FMN2: variants seen among roughly 807,000 people sequenced by gnomAD.
FMN2 encodes the protein formin 2.
A neutral mutation model predicts 142.3 loss-of-function variants in FMN2; 51 were observed. The ratio of observed to expected loss-of-function variants is 0.36; its 90% CI spans 0.29 to 0.45. FMN2 has a LOEUF of 0.45. FMN2 is among the 20% of genes least tolerant of loss of function. FMN2 has a pLI of 1.00. For missense variants in FMN2, 1,936 were observed against 2,122.8 expected (o/e 0.91, Z 1.73); for synonymous variants, 882 against 869.8 (o/e 1.01, Z -0.25).
At position 240,366,110 on chromosome 1, in the gene FMN2, A is replaced by G. The variant is rs532237807; in HGVS notation, c.4858+10202A>G. On this transcript the variant is annotated intron_variant, in intron 14 of 17. Transcript: ENST00000319653. ...GTTTATATAACAAAAATAAGGTTAT[A>G]TTATAGATCTATATGCATATCTTAT... Among the ~76,000 whole-genome samples, 53 of 152,336 alleles carry G rather than the reference A, an allele frequency of 3.5e-4. 1 individual carries two copies. In the South Asian group the frequency reaches 8.7e-3, roughly 25 times the overall value.
At chr1:240,214,940 T>C (rs934196448) in intron 6 of FMN2, among the ~76,000 whole-genome samples, 2 of 152,046 alleles carry the variant, frequency 1.3e-5, no homozygotes, top group African/African-American at 4.8e-5. Flanking sequence ...GTGGTGCATG[T>C]CTGTCATCCC....
intron 15 of FMN2, among the ~76,000 whole-genome samples, chr1:240,393,266 C>T (rs1414571575): frequency 6.6e-6 from 1 of 151,972 alleles, no homozygotes; most frequent in African/African-American, 2.4e-5. Flanking sequence ...CACCTCATGT[C>T]TCTGTGTTAC....
At chr1:240,155,118 T>C (rs2103280112) in intron 2 of FMN2, among the ~76,000 whole-genome samples, 1 of 152,098 alleles carries the variant, frequency 6.6e-6, no homozygotes, top group African/African-American at 2.4e-5. Context: ...CTCAAACTCC[T>C]GAGCTCAAGC....
At chr1:240,234,187 A>G (rs2102854091) in intron 6 of FMN2, among the ~76,000 whole-genome samples, 1 of 152,278 alleles carries the variant, frequency 6.6e-6, no homozygotes, top group African/African-American at 2.4e-5. Context: ...AAAGCGGAAA[A>G]GAAAAAGAGG....
At chr1:240,383,611 G>T (rs1048986860) in intron 14 of FMN2, among the ~76,000 whole-genome samples, 66 of 152,252 alleles carry the variant, frequency 4.3e-4, no homozygotes, top group African/African-American at 1.6e-3. Flanking sequence ...ACATGGATGT[G>T]CAGAAAAGGG....
At chr1:240,160,058 A>G (rs1208152318) in intron 2 of FMN2, among the ~76,000 whole-genome samples, 1 of 147,462 alleles carries the variant, frequency 6.8e-6, no homozygotes, top group Non-Finnish European at 1.5e-5. Flanking sequence ...TTTTTTTGTT[A>G]TTAATAAAAT....
At chr1:240,429,558 G>A (rs1490366639) in intron 15 of FMN2, among the ~76,000 whole-genome samples, 2 of 152,128 alleles carry the variant, frequency 1.3e-5, no homozygotes, top group African/African-American at 4.8e-5. Context: ...TAAAACAGTT[G>A]TGTTTCCCAA....
chr1:240,161,908 CA>C (rs1027395408), intron 2 of FMN2, among the ~76,000 whole-genome samples: 13 of 152,034 alleles, frequency 8.6e-5, no homozygotes, highest in African/African-American at 3.1e-4. Context: ...ATGGAGTAGG[CA>C]AAAACTTCTT....
chr1:240,241,555 G>C (rs924619022), intron 6 of FMN2, among the ~76,000 whole-genome samples: 1 of 152,100 alleles, frequency 6.6e-6, no homozygotes, highest in African/African-American at 2.4e-5. Flanking sequence ...TGGTCTTTCA[G>C]CCATTTTTCA....
chr1:240,449,878 G>A (rs1306279721), intron 16 of FMN2, among the ~76,000 whole-genome samples: 10 of 152,002 alleles, frequency 6.6e-5, no homozygotes, highest in Non-Finnish European at 2.9e-5. Context: ...ACAATTAAGC[G>A]TTAATATATC....
chr1:240,385,807 A>G (rs1334573995), intron 14 of FMN2, among the ~76,000 whole-genome samples: 1 of 152,132 alleles, frequency 6.6e-6, no homozygotes, highest in Non-Finnish European at 1.5e-5. Context: ...ATTTTCTATT[A>G]TGTATATGTT....
rs1233218686 is a variant in FMN2 at position 240,271,098 on chromosome 1, G to GCTTTTT, written c.4153+13066_4153+13067insCTTTTT. Among the ~76,000 whole-genome samples the GCTTTTT allele has an allele frequency of 1.1e-3, 81 of 72,226 alleles. 1 individual carries two copies. Among genetic ancestry groups the GCTTTTT allele is most frequent in the Middle Eastern group, 0.011 (1 of 90 alleles). The allele number at this position is 72,226 out of a possible 152,430, so 47.4% of individuals were successfully genotyped here. On this transcript the variant is annotated intron_variant, in intron 7 of 17. Transcript: ENST00000319653. Reference sequence around the variant, plus strand: ...ACCCCCCTAGGAACTTTCCACGATGGTTTTTTTTTTTTTTTTTTTGTGACT... The same window carrying GCTTTTT: ...ACCCCCCTAGGAACTTTCCACGATGGCTTTTTTTTTTTTTTTTTTTTTTTTGTGACT...
At chr1:240,210,966 T>G in intron 5 of FMN2, 125 bp from the exon 6 acceptor site, 3 of 785,266 alleles carry the variant, frequency 3.8e-6, no homozygotes, top group Non-Finnish European at 5.9e-6. Context: ...CCTTCTTATC[T>G]CTCTTCTTTT....
At chr1:240,146,101 CTCAGTGGA>C (rs778710563) in intron 2 of FMN2, among the ~76,000 whole-genome samples, 1 of 151,590 alleles carries the variant, frequency 6.6e-6, no homozygotes, top group African/African-American at 2.4e-5. Flanking sequence ...TATGGCTGGG[CTCAGTGGA>C]TCAGTGGATC....
chr1:240,190,314 C>T (rs1292016607), intron 4 of FMN2, among the ~76,000 whole-genome samples: 1 of 152,142 alleles, frequency 6.6e-6, no homozygotes, highest in East Asian at 1.9e-4. Context: ...TGGAAGCAAT[C>T]GATTTTAAGC....
intron 15 of FMN2, among the ~76,000 whole-genome samples, chr1:240,412,862 C>T (rs997661757): frequency 6.6e-6 from 1 of 151,962 alleles, no homozygotes; most frequent in African/African-American, 2.4e-5. Flanking sequence ...TGGCTCATGC[C>T]TGTAAATCCC....
chr1:240,165,387 G>C (rs1664438788), intron 2 of FMN2, among the ~76,000 whole-genome samples: 1 of 151,996 alleles, frequency 6.6e-6, no homozygotes, highest in Non-Finnish European at 1.5e-5. Context: ...TGTTATCTAG[G>C]CTGGTCTCAA....
chr1:240,137,942 T>C (rs983306961), intron 2 of FMN2, among the ~76,000 whole-genome samples: 1 of 151,216 alleles, frequency 6.6e-6, no homozygotes, highest in African/African-American at 2.4e-5. Flanking sequence ...ATACAAAAAT[T>C]AGCCGGGTGC....
At chr1:240,250,652 A>G (rs2102884485) in intron 6 of FMN2, among the ~76,000 whole-genome samples, 1 of 151,936 alleles carries the variant, frequency 6.6e-6, no homozygotes, top group Admixed American at 6.6e-5. Context: ...GGGTGGGAAG[A>G]GTTTGAGGAA....
Sources: allele counts gnomAD v4.1 joint callset (sites outside exome capture counted in the v4.1 genomes callset), GRCh38; gene constraint gnomAD v4.1.1; transcripts MANE v1.5; gene names NCBI Gene and HGNC (gene_info 2026-07-23, HGNC 2026-07-21).